The following CMIP variants were observed in gnomAD, a reference collection of about 807,000 sequenced individuals.
CMIP encodes C-Maf-inducing protein.
Under a neutral mutation model 97.3 loss-of-function variants are expected in CMIP, and 13 were observed. The observed-to-expected ratio is 0.13, with a 90% CI of 0.09 to 0.21. The LOEUF is 0.21. Ranked by LOEUF, CMIP falls within the 10% of genes least tolerant of loss-of-function variation. The probability of loss-of-function intolerance (pLI) is 1.00; values close to 1 mark genes in which losing one functional copy is unlikely to be tolerated. For synonymous variants in CMIP, 538 were observed against 436.3 expected, an observed-to-expected ratio of 1.23 and a Z score of -2.91; for missense variants, 847 against 1,024.9, an observed-to-expected ratio of 0.83 and a Z score of 2.37.
intron 1 of CMIP, chr16:81,476,272 A>C (rs749657705): frequency 6.4e-7 from 1 of 1,553,718 alleles, no homozygotes; most frequent in Non-Finnish European, 8.9e-7. Flanking sequence ...CTCATCTTCA[A>C]ATTTCTCCCC....
At chr16:81,602,579 G>A (rs536727863) in intron 1 of CMIP, among the ~76,000 whole-genome samples, 4 of 152,270 alleles carry the variant, frequency 2.6e-5, no homozygotes, top group Admixed American at 6.5e-5. Context: ...GAGTCCCCCT[G>A]CCCCTCGCCC....
intron 1 of CMIP, among the ~76,000 whole-genome samples, chr16:81,584,417 GTTGT>G (rs145267224): frequency 5.8e-4 from 89 of 152,306 alleles, no homozygotes; most frequent in African/African-American, 2.1e-3. Flanking sequence ...CAGTTTTTAG[GTTGT>G]TTGTTTCAAG....
intron 1 of CMIP, among the ~76,000 whole-genome samples, chr16:81,579,822 GGCGGAC>G (rs2091265425): frequency 6.6e-6 from 1 of 152,240 alleles, no homozygotes; most frequent in Non-Finnish European, 1.5e-5. Flanking sequence ...TGGGCGTGGT[GGCGGAC>G]GCCTGTAGTC....
intron 1 of CMIP, among the ~76,000 whole-genome samples, chr16:81,551,627 C>T (rs1023664126): frequency 1.3e-5 from 2 of 152,136 alleles, no homozygotes; most frequent in African/African-American, 4.8e-5. Flanking sequence ...CTCTGTCTTC[C>T]GTTTTCTCTC....
intron 17 of CMIP, 119 bp downstream of exon 17, chr16:81,702,788 G>A: frequency 1.1e-6 from 1 of 869,956 alleles, no homozygotes; most frequent in East Asian, 2.6e-5. Context: ...GGGGCACAAG[G>A]ACCCCCTAGT....
chr16:81,698,854 G>T (rs563958999), intron 14 of CMIP, among the ~76,000 whole-genome samples: 2 of 152,328 alleles, frequency 1.3e-5, no homozygotes, highest in East Asian at 1.9e-4. Flanking sequence ...TGGAGTCAGA[G>T]TCTCCTTCTG....
At chr16:81,634,158 C>G (rs147338253) in intron 3 of CMIP, among the ~76,000 whole-genome samples, 1 of 152,212 alleles carries the variant, frequency 6.6e-6, no homozygotes, top group Non-Finnish European at 1.5e-5. Context: ...ACATACCCTC[C>G]GGGTGACTGT....
At chr16:81,668,422 C>T (rs2092634332) in intron 7 of CMIP, among the ~76,000 whole-genome samples, 1 of 152,176 alleles carries the variant, frequency 6.6e-6, no homozygotes, top group Admixed American at 6.5e-5. Flanking sequence ...CTGGCAAGCC[C>T]CAAGCCCCCC....
intron 1 of CMIP, among the ~76,000 whole-genome samples, chr16:81,508,803 G>A (rs1358798179): frequency 2.0e-5 from 3 of 152,332 alleles, no homozygotes; most frequent in Non-Finnish European, 4.4e-5. Context: ...AGGGACCCAC[G>A]TAGGCCCCAG....
rs1908770627 is a variant in CMIP, at chr16:81,711,510, T to C, written c.*1711T>C. The C allele has an allele frequency of 6.6e-6, 1 of 151,706 alleles. No individual in the cohort carries two copies. The highest frequency in any genetic ancestry group is 2.4e-5 in the African/African-American group (1 of 41,296). 9.4% of individuals were successfully genotyped at this position (151,706 alleles called of 1,614,324 possible). A position where few individuals can be genotyped will look rare whatever the true frequency, so the allele number is the denominator to read the frequency against. Reference sequence around the variant, plus strand: ...TTGTTTTTAGTTGTTTGGTTTTCTTTTCTTTCCCCCCTCCGGTCCCATACT... The same window carrying C: ...TTGTTTTTAGTTGTTTGGTTTTCTTCTCTTTCCCCCCTCCGGTCCCATACT... On this transcript the variant is annotated 3_prime_UTR_variant, in exon 21 of 21. Coordinates refer to ENST00000537098, the MANE Select transcript of CMIP (RefSeq NM_198390.3).
intron 1 of CMIP, among the ~76,000 whole-genome samples, chr16:81,591,527 A>G (rs2091466736): frequency 6.6e-6 from 1 of 152,170 alleles, no homozygotes; most frequent in South Asian, 2.1e-4. Context: ...ACACAGCCAC[A>G]TGGATGAAGC....
At chr16:81,642,043 A>G (rs957733779) in intron 3 of CMIP, among the ~76,000 whole-genome samples, 1 of 152,256 alleles carries the variant, frequency 6.6e-6, no homozygotes, top group Non-Finnish European at 1.5e-5. Flanking sequence ...ATGATTTAAA[A>G]TGTATTTATA....
chr16:81,653,026 G>A (rs1156372272), intron 4 of CMIP, among the ~76,000 whole-genome samples: 1 of 152,184 alleles, frequency 6.6e-6, no homozygotes, highest in Non-Finnish European at 1.5e-5. Context: ...ACTCATCAGC[G>A]AGTCTGTCCC....
intron 1 of CMIP, among the ~76,000 whole-genome samples, chr16:81,595,990 C>G (rs749238767): frequency 1.3e-5 from 2 of 152,214 alleles, no homozygotes; most frequent in East Asian, 1.9e-4. Flanking sequence ...TACATTCACA[C>G]TAGTGGTGTA....
chr16:81,690,528 G>C (rs1483502796), intron 10 of CMIP, among the ~76,000 whole-genome samples: 2 of 152,120 alleles, frequency 1.3e-5, no homozygotes, highest in Non-Finnish European at 2.9e-5. Context: ...TTTTGAGTCT[G>C]AGTCTCGCTC....
chr16:81,611,734 G>A (rs74248279), intron 2 of CMIP, among the ~76,000 whole-genome samples: 2 of 151,806 alleles, frequency 1.3e-5, no homozygotes, highest in Non-Finnish European at 2.9e-5. Flanking sequence ...CTCCTCCTCC[G>A]CTCTCTCTGT....
Position 81,616,811 on chromosome 16 carries a change from G to T in CMIP, c.427-4065G>T, listed in dbSNP as rs575303944. On this transcript the variant is annotated intron_variant, in intron 2 of 20. Transcript: ENST00000537098. This position sits in a 1 kb window ranked among gnomAD's most constrained non-coding sequence, Gnocchi z 4.7. ...TGTGTAGCAGTGTCTGTGGTCAGTG[G>T]CTCTGAAGAAATCCGTCCCAGGCCT... Among the ~76,000 whole-genome samples, 1 of 152,246 alleles carries T rather than the reference G, an allele frequency of 6.6e-6. No individual in the cohort carries two copies. Among genetic ancestry groups the T allele is most frequent in the Non-Finnish European group, 1.5e-5 (1 of 68,038 alleles).
intron 1 of CMIP, among the ~76,000 whole-genome samples, chr16:81,562,247 A>G (rs2090897248): frequency 6.6e-6 from 1 of 152,168 alleles, no homozygotes; most frequent in Non-Finnish European, 1.5e-5. Flanking sequence ...CTCAGCCCCC[A>G]TTGTGCAGCA....
At position 81,620,656 on chromosome 16, in the gene CMIP, A is replaced by T. The variant is rs977967392; in HGVS notation, c.427-220A>T. The T allele has an allele frequency of 2.2e-5, 12 of 540,300 alleles. No homozygotes were observed. In the African/African-American group the frequency reaches 2.3e-4, roughly 10 times the overall value. 33.5% of individuals were successfully genotyped at this position (540,300 alleles called of 1,614,324 possible). A position where few individuals can be genotyped will look rare whatever the true frequency, so the allele number is the denominator to read the frequency against. On this transcript the variant is annotated intron_variant, in intron 2 of 20. Transcript: ENST00000537098. ...TACAGCAAAGGAAGCACACGGTGCT[A>T]GTGATGTCTTGTTTTTAGGAAATCC...
Sources: allele counts gnomAD v4.1 joint callset (sites outside exome capture counted in the v4.1 genomes callset), GRCh38; gene constraint gnomAD v4.1.1; non-coding constraint Gnocchi (gnomAD v3.1); transcripts MANE v1.5; gene names NCBI Gene and HGNC (gene_info 2026-07-23, HGNC 2026-07-21).